PDE6C: variants seen among roughly 807,000 people sequenced by gnomAD.
PDE6C encodes cone cGMP-specific 3',5'-cyclic phosphodiesterase subunit alpha'.
In PDE6C, 75 loss-of-function variants were observed where a neutral mutation model predicts 113.1. The observed-to-expected ratio is 0.66, with a 90% confidence interval of 0.55 to 0.80. The LOEUF (loss-of-function observed/expected upper bound fraction) is 0.80, where lower values mean the gene tolerates loss of function less well. PDE6C is among the 30% of genes least tolerant of loss of function. The pLI, the probability that PDE6C is intolerant of heterozygous loss-of-function variation, is 0.00. For synonymous variants in PDE6C, 375 were observed against 363.7 expected (o/e 1.03, Z -0.35); for missense variants, 912 against 1,038.6 (o/e 0.88, Z 1.67).
At position 93,659,002 on chromosome 10, in the gene PDE6C, TTA is replaced by T; in HGVS notation, c.2140_2141del (p.Ile714HisfsTer9). 6.3e-7 allele frequency: 1 copy of T among 1,592,702 alleles called. No homozygotes were observed. On this transcript the variant is annotated frameshift_variant, in exon 17 of 22. Coordinates refer to ENST00000371447, the MANE Select transcript of PDE6C (RefSeq NM_006204.4). LOFTEE classifies it high-confidence loss of function. ...ACTGTTGATCCAACCAAGAAAGAGA[TTA>T]TCATGTAGGTAGTTGAAATTGTATT...
At chr10:93,665,220 C>A in intron 21 of PDE6C, 140 bp from the exon 22 acceptor site, 1 of 732,710 alleles carries the variant, frequency 1.4e-6, no homozygotes, top group South Asian at 1.5e-5. Flanking sequence ...CAAGTTTTTA[C>A]ATGGTCAAAC....
chr10:93,650,068 G>A (rs1205503451), intron 15 of PDE6C, among the ~76,000 whole-genome samples: 1 of 152,138 alleles, frequency 6.6e-6, no homozygotes, highest in Non-Finnish European at 1.5e-5. Context: ...GCCCTAGGCG[G>A]CAACCTTTGA....
At chr10:93,648,123 G>A (rs929807890) in intron 15 of PDE6C, among the ~76,000 whole-genome samples, 1 of 152,092 alleles carries the variant, frequency 6.6e-6, no homozygotes, top group Admixed American at 6.5e-5. Flanking sequence ...TTTCTTAAAT[G>A]TTTTTCCTTC....
intron 16 of PDE6C, among the ~76,000 whole-genome samples, chr10:93,656,643 C>T (rs2058639126): frequency 2.0e-5 from 3 of 152,120 alleles, no homozygotes; most frequent in Admixed American, 1.3e-4. Context: ...AACCTCGGGT[C>T]ACTGCAATCT....
chr10:93,630,347 C>G (rs1258216233), intron 8 of PDE6C, among the ~76,000 whole-genome samples: 2 of 143,264 alleles, frequency 1.4e-5, no homozygotes, highest in Non-Finnish European at 3.0e-5. Flanking sequence ...GTTCATCCAG[C>G]CCACCAGAAG....
At chr10:93,622,661 TGTTG>T (rs148474710) in intron 4 of PDE6C, among the ~76,000 whole-genome samples, 1,683 of 71,384 alleles carry the variant, frequency 0.024, 70 homozygotes, top group East Asian at 0.043. Flanking sequence ...TTTTTTTTTT[TGTTG>T]TTTTTTTTTT....
At chr10:93,662,788 T>G in intron 20 of PDE6C, 145 bp downstream of exon 20, 1 of 673,870 alleles carries the variant, frequency 1.5e-6, no homozygotes, top group Non-Finnish European at 2.7e-6. Flanking sequence ...GGTTTTACCC[T>G]AATCTCATTC....
rs115119579 is a variant in PDE6C at position 93,619,096 on chromosome 10, C to T, written c.481-1536C>T. Among the ~76,000 whole-genome samples, 991 of 152,318 alleles carry T rather than the reference C, an allele frequency of 6.5e-3. 16 individuals are homozygous for T. The highest frequency in any genetic ancestry group is 0.023 in the African/African-American group (950 of 41,578). ...CAAGGAAGGCTGGGTCTAAACCCAC[C>T]GTGAGTGGCTATTCTCTGAAATGAT... is the stretch of plus-strand genomic sequence containing the variant. On this transcript the variant is annotated intron_variant, in intron 1 of 21. Transcript: ENST00000371447.
intron 15 of PDE6C, 150 bp from the exon 16 acceptor site, chr10:93,655,610 C>CA: frequency 0.26 from 83,704 of 326,910 alleles, 6,015 homozygotes; most frequent in Admixed American, 0.3. Context: ...AAAAGCAAGC[C>CA]AAAAAAAAAA....
At chr10:93,614,852 G>A (rs1057359573) in intron 1 of PDE6C, among the ~76,000 whole-genome samples, 1 of 152,114 alleles carries the variant, frequency 6.6e-6, no homozygotes, top group Non-Finnish European at 1.5e-5. Context: ...ACTCCTGGCT[G>A]TTCTGGGTGG....
chr10:93,620,604 T>C, intron 1 of PDE6C, 28 bp from the exon 2 acceptor site: 1 of 1,613,356 alleles, frequency 6.2e-7, no homozygotes, highest in Non-Finnish European at 8.5e-7. Context: ...TTGTGCCACT[T>C]TGACAAATAT....
chr10:93,613,278 T>G, intron 1 of PDE6C, 73 bp downstream of exon 1: 1 of 1,587,666 alleles, frequency 6.3e-7, no homozygotes, highest in South Asian at 1.1e-5. Context: ...AGAGAGATAG[T>G]GCTATCCTTG....
rs2058401142 is a variant in PDE6C at position 93,613,192 on chromosome 10, C to G, written c.467C>G (p.Pro156Arg). The G allele has an allele frequency of 2.5e-6, 4 of 1,613,524 alleles. No homozygotes were observed. Among genetic ancestry groups the G allele is most frequent in the African/African-American group, 1.3e-5 (1 of 74,900 alleles). The change falls in exon 1 of 22, where the codon CCA becomes CGA. Residue 156 changes from proline (P) to arginine (R), a missense_variant. Coordinates refer to ENST00000371447, the MANE Select transcript of PDE6C (RefSeq NM_006204.4). ...CACACGAAGAAAACTCATAATGTCCCAGATGTGAAAAAGGTAGGTGGCCTT... is the reference window on the plus strand; with the variant it reads ...CACACGAAGAAAACTCATAATGTCCGAGATGTGAAAAAGGTAGGTGGCCTT... ...AAHTKKTHNVPDVKKNSHFSD... is the reference protein window; with the variant it reads ...AAHTKKTHNVRDVKKNSHFSD...
intron 5 of PDE6C, 66 bp downstream of exon 5, chr10:93,625,715 C>T: frequency 1.8e-6 from 2 of 1,083,656 alleles, no homozygotes; most frequent in Admixed American, 1.8e-5. Flanking sequence ...TAAGAGGCCA[C>T]AGTGCATAGA....
chr10:93,620,976 G>A lies in PDE6C; in HGVS notation c.719G>A (p.Ser240Asn). The change falls in exon 3 of 22, where the codon AGC becomes AAC. Residue 240 changes from serine (S) to asparagine (N), a missense_variant. By Grantham distance (46) the Ser-to-Asn change is conservative (BLOSUM62 1). Transcript: ENST00000371447. ...ATGTACAATATTGAATCCCGAAGAA[G>A]CCAGGTAAAAGGAAGGCAGCATTAG... is the stretch of plus-strand genomic sequence containing the variant. ...SYMYNIESRR[S>N]QILMWSANKV... The A allele has an allele frequency of 6.2e-7, 1 of 1,612,988 alleles. No individual in the cohort carries two copies. The highest frequency in any genetic ancestry group is 1.1e-5 in the South Asian group (1 of 91,058).
chr10:93,649,129 C>T (rs545054765), intron 15 of PDE6C, among the ~76,000 whole-genome samples: 6 of 152,080 alleles, frequency 3.9e-5, no homozygotes, highest in East Asian at 1.9e-4. Flanking sequence ...ATAGTTCTAT[C>T]GCCATTTTAA....
intron 18 of PDE6C, among the ~76,000 whole-genome samples, chr10:93,661,160 G>C (rs1288214318): frequency 3.2e-4 from 48 of 152,134 alleles, no homozygotes; most frequent in Non-Finnish European, 2.9e-5. Context: ...CACTGGCCTA[G>C]AGAATCAAAT....
At position 93,659,108 on chromosome 10, in the gene PDE6C, A is replaced by G; in HGVS notation, c.2149A>G (p.Met717Val). 1 of 1,610,598 alleles carries G rather than the reference A, an allele frequency of 6.2e-7. No individual in the cohort carries two copies. The highest frequency in any genetic ancestry group is 8.5e-7 in the Non-Finnish European group (1 of 1,178,556). ...ATTTTTTGTTTTCTTCCTAAGGGCA[A>G]TGATGATGACGGCATGTGACTTGTC... ...DPTKKEIIMA[M>V]MMTACDLSAI... is the part of the protein sequence containing the mutation. Residue 717 changes from methionine (M) to valine (V), a missense_variant, in exon 18 of 22, where the codon ATG becomes GTG. By Grantham distance (21) the Met-to-Val change is conservative. Coordinates refer to ENST00000371447, the MANE Select transcript of PDE6C (RefSeq NM_006204.4).
intron 1 of PDE6C, among the ~76,000 whole-genome samples, chr10:93,619,483 A>G (rs1244871529): frequency 6.6e-6 from 1 of 151,992 alleles, no homozygotes; most frequent in African/African-American, 2.4e-5. Flanking sequence ...CTGGAGTACA[A>G]TGGCGCGATC....
Sources: allele counts gnomAD v4.1 joint callset (sites outside exome capture counted in the v4.1 genomes callset), GRCh38; gene constraint gnomAD v4.1.1; transcripts MANE v1.5; gene names NCBI Gene and HGNC (gene_info 2026-07-23, HGNC 2026-07-21).